Variants in RPL29 observed in about 807,000 individuals in gnomAD.
RPL29 encodes large ribosomal subunit protein eL29.
Under a neutral mutation model 7.2 loss-of-function variants are expected in RPL29, and 4 were observed. The ratio of observed to expected loss-of-function variants is 0.55; its 90% CI spans 0.27 to 1.26. The LOEUF is 1.26. Among genes scored for constraint, RPL29 ranks in the 50% most tolerant of loss-of-function variants. The probability of loss-of-function intolerance (pLI) is 0.11; values close to 1 mark genes in which losing one functional copy is unlikely to be tolerated. For missense variants in RPL29, 148 were observed against 209.1 expected (o/e 0.71, Z 1.80); for synonymous variants, 73 against 72.8 (o/e 1.00, Z -0.01).
At chr3:51,995,320 C>A in intron 2 of RPL29, 105 bp downstream of exon 2, 1 of 1,285,104 alleles carries the variant, frequency 7.8e-7, no homozygotes, top group Non-Finnish European at 1.1e-6. Context: ...TGAAATCAAT[C>A]AGCCTCAGGC....
intron 3 of RPL29, 150 bp downstream of exon 3, chr3:51,994,892 G>T: frequency 1.3e-6 from 1 of 795,416 alleles, no homozygotes; most frequent in Non-Finnish European, 2.3e-6. Context: ...TTATGGGTCT[G>T]GTAGGGTAGA....
Position 51,993,690 on chromosome 3 carries a change from C to T in RPL29, c.*59G>A. The T allele has an allele frequency of 6.7e-7, 1 of 1,500,038 alleles. No individual in the cohort carries two copies. Among genetic ancestry groups the T allele is most frequent in the Non-Finnish European group, 8.9e-7 (1 of 1,124,720 alleles). 92.9% of individuals were successfully genotyped at this position (1,500,038 alleles called of 1,614,324 possible). ...GACCCCAGCCCCATGCAGATGGTAG[C>T]CCAGGGGCGGGGGTGGGGGGTCGCA... On this transcript the variant is annotated 3_prime_UTR_variant, in exon 4 of 4. Coordinates refer to ENST00000294189, the MANE Select transcript of RPL29 (RefSeq NM_000992.3).
Position 51,993,662 on chromosome 3 carries a change from G to A in RPL29, c.*87C>T. The stretch of plus-strand genomic sequence containing the variant: ...AGGTTTATTTGTACAAATAGCACAG[G>A]AGGACCCCAGCCCCATGCAGATGGT... On this transcript the variant is annotated 3_prime_UTR_variant, in exon 4 of 4. Transcript: ENST00000294189. 1 of 1,305,404 alleles carries A rather than the reference G, an allele frequency of 7.7e-7. No individual in the cohort carries two copies. Among genetic ancestry groups the A allele is most frequent in the Admixed American group, 2.3e-5 (1 of 44,182 alleles). 80.9% of individuals were successfully genotyped at this position (1,305,404 alleles called of 1,614,324 possible). A position where few individuals can be genotyped will look rare whatever the true frequency, so the allele number is the denominator to read the frequency against.
At chr3:51,994,607 T>G (rs1701291273) in intron 3 of RPL29, 1 of 477,816 alleles carries the variant, frequency 2.1e-6, no homozygotes, top group Non-Finnish European at 3.8e-6. Context: ...ACTGGGGACA[T>G]GCTCAGCTCT....
chr3:51,994,419 C>A (rs1377934157), intron 3 of RPL29: 6 of 393,970 alleles, frequency 1.5e-5, no homozygotes, highest in Non-Finnish European at 2.7e-5. Flanking sequence ...GGGGTTCGAC[C>A]AAGTTTTTTC....
chr3:51,995,060 T>A lies in RPL29; in HGVS notation c.84A>T (p.Arg28Ser). 6.2e-7 allele frequency: 1 copy of A among 1,612,778 alleles called. No individual in the cohort carries two copies. The highest frequency in any genetic ancestry group is 8.5e-7 in the Non-Finnish European group (1 of 1,179,564). ...RNGIKKPRSQRYESLKGVDPK... is the reference protein window; with the variant it reads ...RNGIKKPRSQSYESLKGVDPK... Reference sequence around the variant, plus strand: ...CACTCACCCCCTTAAGAGATTCGTATCTTTGTGATCGGGGTTTCTTGATAC... The same window carrying A: ...CACTCACCCCCTTAAGAGATTCGTAACTTTGTGATCGGGGTTTCTTGATAC... Residue 28 changes from arginine (R) to serine (S), a missense_variant, in exon 3 of 4, where the codon AGA becomes AGT. Coordinates refer to ENST00000294189, the MANE Select transcript of RPL29 (RefSeq NM_000992.3).
Position 51,995,054 on chromosome 3 carries a change from T to C in RPL29, c.90A>G (p.Glu30=). 6.2e-7 allele frequency: 1 copy of C among 1,612,892 alleles called. No individual in the cohort carries two copies. ...GIKKPRSQRY[E]SLKGVDPKFL... is the part of the protein sequence containing the mutation. ...TCAGTGCACTCACCCCCTTAAGAGA[T>C]TCGTATCTTTGTGATCGGGGTTTCT... Residue 30 remains glutamate (E), a synonymous_variant, in exon 3 of 4, where the codon GAA becomes GAG. Transcript: ENST00000294189.
intron 2 of RPL29, 157 bp from the exon 3 acceptor site, chr3:51,995,263 A>G (rs772148318): frequency 3.1e-6 from 3 of 966,370 alleles, no homozygotes; most frequent in Admixed American, 2.2e-5. Context: ...AACACTCTGT[A>G]TCTCAAGTAG....
chr3:51,994,410 G>A, intron 3 of RPL29: 1 of 407,760 alleles, frequency 2.5e-6, no homozygotes, highest in Non-Finnish European at 4.4e-6. Context: ...CCTACAGCAG[G>A]GGTTCGACCA....
In RPL29 at chr3:51,995,511, G is replaced by A. The variant is rs536040442; in HGVS notation, c.-8-42C>T. 161 of 1,599,104 alleles carry A rather than the reference G, an allele frequency of 1.0e-4. 1 individual carries two copies. The South Asian group carries it at 1.7e-3, about 17-fold the overall frequency. ...GAGATCAGGGTTAAGGGCTCGCCAG[G>A]CTGGGCCACCTCTGCCCCCCCCATT... On this transcript the variant is annotated intron_variant, in intron 1 of 3. Transcript: ENST00000294189.
rs1338126429 is a variant in RPL29 at position 51,995,608 on chromosome 3, C to A, written c.-8-139G>T. ...TCTCGGCTTACTCTGCACGACCAAA[C>A]GCCAGTCCTGGCCTCCCAAACCCAG... On this transcript the variant is annotated intron_variant, in intron 1 of 3. Transcript: ENST00000294189. The A allele has an allele frequency of 2.5e-5, 20 of 791,282 alleles. No individual in the cohort carries two copies. The East Asian group carries it at 3.8e-4, about 15-fold the overall frequency. The allele number at this position is 791,282 out of a possible 1,614,324, so 49.0% of individuals were successfully genotyped here. A position where few individuals can be genotyped will look rare whatever the true frequency, so the allele number is the denominator to read the frequency against.
In RPL29 at chr3:51,995,098, AT is replaced by A; in HGVS notation, c.45del (p.Lys15AsnfsTer26). On this transcript the variant is annotated frameshift_variant, in exon 3 of 4. Transcript: ENST00000294189. LOFTEE classifies it high-confidence loss of function. The stretch of plus-strand genomic sequence containing the variant: ...GGTTTCTTGATACCATTTCTGTGCC[AT>A]TTTCGGGCTGTGGGAGAAAAAAAGG... ...KNHTTHNQSR[K>X]WHRNGIKKPR... 6.2e-7 allele frequency: 1 copy of A among 1,604,282 alleles called. No homozygotes were observed. Among genetic ancestry groups the A allele is most frequent in the Non-Finnish European group, 8.5e-7 (1 of 1,174,272 alleles).
chr3:51,995,828 G>A, intron 1 of RPL29, 29 bp downstream of exon 1: 1 of 309,498 alleles, frequency 3.2e-6, no homozygotes, highest in East Asian at 7.7e-5. Flanking sequence ...GTCGCGGATG[G>A]CATCGGATGC....
intron 2 of RPL29, 150 bp downstream of exon 2, chr3:51,995,275 T>C (rs1373190676): frequency 9.9e-7 from 1 of 1,005,586 alleles, no homozygotes; most frequent in Non-Finnish European, 1.5e-6. Context: ...CTCAAGTAGA[T>C]CTCTAAACCT....
rs371232875 is a variant in RPL29, at chr3:51,995,115, GA to G, written c.38-10del. 1.3e-6 allele frequency: 2 copies of G among 1,588,434 alleles called. No individual in the cohort carries two copies. The highest frequency in any genetic ancestry group is 1.1e-5 in the South Asian group (1 of 88,362). On this transcript the variant is annotated splice_polypyrimidine_tract_variant and intron_variant, in intron 2 of 3. Coordinates refer to ENST00000294189, the MANE Select transcript of RPL29 (RefSeq NM_000992.3). The stretch of plus-strand genomic sequence containing the variant: ...TCTGTGCCATTTTCGGGCTGTGGGA[GA>G]AAAAAAGGGAATTAAGCCAACAAAG...
At position 51,993,716 on chromosome 3, in the gene RPL29, C is replaced by G. The variant is rs746485641; in HGVS notation, c.*33G>C. 2 of 1,544,390 alleles carry G rather than the reference C, an allele frequency of 1.3e-6. No individual in the cohort carries two copies. The highest frequency in any genetic ancestry group is 1.8e-5 in the Admixed American group (1 of 54,188). ...CCAGGGGCGGGGGTGGGGGGTCGCA[C>G]CAGTCCTTCTGTCCTCATGTTGGCA... On this transcript the variant is annotated 3_prime_UTR_variant, in exon 4 of 4. Coordinates refer to ENST00000294189, the MANE Select transcript of RPL29 (RefSeq NM_000992.3).
chr3:51,994,661 T>C, intron 3 of RPL29: 4 of 576,466 alleles, frequency 6.9e-6, no homozygotes, highest in Admixed American at 2.9e-5. Flanking sequence ...TAGAACCCCC[T>C]GACACAGGAA....
intron 2 of RPL29, 51 bp downstream of exon 2, chr3:51,995,374 G>A (rs746384999): frequency 3.1e-6 from 5 of 1,600,274 alleles, no homozygotes; most frequent in Middle Eastern, 1.7e-4. Context: ...CAGTTTGCCT[G>A]AACCAGTCCT....
intron 3 of RPL29, 135 bp from the exon 4 acceptor site, chr3:51,994,261 G>A: frequency 8.4e-7 from 1 of 1,187,582 alleles, no homozygotes; most frequent in Non-Finnish European, 1.1e-6. Context: ...CCAACCTCTT[G>A]AAACTATTTC....
Sources: allele counts gnomAD v4.1 joint callset, GRCh38; gene constraint gnomAD v4.1.1; transcripts MANE v1.5; gene names NCBI Gene and HGNC (gene_info 2026-07-23, HGNC 2026-07-21).